THSD4: variants seen among roughly 807,000 people sequenced by gnomAD.
The protein encoded by THSD4 is thrombospondin type-1 domain-containing protein 4.
THSD4 carries 69 observed loss-of-function variants against 119.0 expected under a neutral mutation model. The observed-to-expected ratio is 0.58, with a 90% CI of 0.48 to 0.71. The LOEUF is 0.71. Ranked by LOEUF, THSD4 falls within the 30% of genes least tolerant of loss-of-function variation. The pLI, the probability that THSD4 is intolerant of heterozygous loss-of-function variation, is 0.00. For missense variants in THSD4, 1,393 were observed against 1,391.1 expected, an observed-to-expected ratio of 1.00 and a Z score of -0.02; for synonymous variants, 524 against 540.4, an observed-to-expected ratio of 0.97 and a Z score of 0.42.
chr15:71,530,283 G>A (rs1175695215), intron 7 of THSD4, among the ~76,000 whole-genome samples: 2 of 152,138 alleles, frequency 1.3e-5, no homozygotes, highest in Non-Finnish European at 1.5e-5. Flanking sequence ...ATTGGGGCTG[G>A]TTCCAGCAAG....
intron 7 of THSD4, among the ~76,000 whole-genome samples, chr15:71,544,515 G>A (rs1369567722): frequency 6.6e-6 from 1 of 152,146 alleles, no homozygotes; most frequent in Non-Finnish European, 1.5e-5. Context: ...AATAAGTGTT[G>A]TCAAGGAGGT....
intron 7 of THSD4, among the ~76,000 whole-genome samples, chr15:71,652,671 A>T (rs17735225): frequency 6.6e-6 from 1 of 151,922 alleles, no homozygotes; most frequent in Non-Finnish European, 1.5e-5. Context: ...GCTGCAGTTG[A>T]TTCTTACCCA....
intron 6 of THSD4, among the ~76,000 whole-genome samples, chr15:71,299,293 C>T (rs1245923662): frequency 2.6e-5 from 4 of 152,140 alleles, no homozygotes; most frequent in Non-Finnish European, 4.4e-5. Context: ...AGAGAAGAAG[C>T]TGTGCTAGGA....
chr15:71,584,037 A>T (rs1230235299), intron 7 of THSD4, among the ~76,000 whole-genome samples: 1 of 151,900 alleles, frequency 6.6e-6, no homozygotes, highest in Non-Finnish European at 1.5e-5. Flanking sequence ...AATGCTGTCT[A>T]TTTTTACCTT....
intron 7 of THSD4, among the ~76,000 whole-genome samples, chr15:71,544,640 T>A (rs2048809763): frequency 6.6e-6 from 1 of 152,222 alleles, no homozygotes; most frequent in Non-Finnish European, 1.5e-5. Flanking sequence ...TATGATTCAG[T>A]GATTCTACTC....
At chr15:71,773,086 G>A (rs747455706) in intron 17 of THSD4, among the ~76,000 whole-genome samples, 8 of 151,272 alleles carry the variant, frequency 5.3e-5, no homozygotes, top group African/African-American at 9.7e-5. Flanking sequence ...CCATGGTCCC[G>A]GCTAATTAGG....
At chr15:71,749,800 G>A (rs1595916303) in intron 14 of THSD4, among the ~76,000 whole-genome samples, 1 of 149,530 alleles carries the variant, frequency 6.7e-6, no homozygotes, top group Admixed American at 6.7e-5. Flanking sequence ...GCTCACTGCA[G>A]CCTCGACCTG....
rs953062528 is a variant in THSD4 at position 71,215,011 on chromosome 15, C to T, written c.100-24C>T. On this transcript the variant is annotated intron_variant, in intron 3 of 17. Coordinates refer to ENST00000261862, the MANE Select transcript of THSD4 (RefSeq NM_024817.3). ...GAAGAGAGGAGCGGTGTTCTGGTCC[C>T]CTAACCTGCCTCTGTCTCCGCAGGT... is the stretch of plus-strand genomic sequence containing the variant. 54 of 1,247,176 alleles carry T rather than the reference C, an allele frequency of 4.3e-5. No homozygotes were observed. In the African/African-American group the frequency reaches 8.4e-4, roughly 20 times the overall value. The allele number at this position is 1,247,176 out of a possible 1,614,324, so 77.3% of individuals were successfully genotyped here.
chr15:71,199,528 GTGTGT>G (rs2043753851), intron 3 of THSD4, among the ~76,000 whole-genome samples: 1 of 143,362 alleles, frequency 7.0e-6, no homozygotes, highest in African/African-American at 2.7e-5. Flanking sequence ...TGTGTGTGGG[GTGTGT>G]GGTGTGTGTA....
intron 6 of THSD4, 35 bp downstream of exon 6, chr15:71,256,750 C>T: frequency 1.3e-6 from 2 of 1,581,758 alleles, no homozygotes; most frequent in Middle Eastern, 1.7e-4. Flanking sequence ...ATAGAAGTTA[C>T]TTTAGTCTGT....
intron 7 of THSD4, among the ~76,000 whole-genome samples, chr15:71,497,461 C>T (rs2048038099): frequency 6.6e-6 from 1 of 151,284 alleles, no homozygotes; most frequent in Non-Finnish European, 1.5e-5. Flanking sequence ...TGCAGTGAGC[C>T]AACGTCGCAC....
intron 17 of THSD4, among the ~76,000 whole-genome samples, chr15:71,776,370 G>T (rs1211802786): frequency 6.6e-6 from 1 of 152,158 alleles, no homozygotes; most frequent in Non-Finnish European, 1.5e-5. Flanking sequence ...GAATTTTCGT[G>T]AATCATTTTT....
At chr15:71,633,721 A>G (rs1567073394) in intron 7 of THSD4, among the ~76,000 whole-genome samples, 1 of 152,140 alleles carries the variant, frequency 6.6e-6, no homozygotes, top group Non-Finnish European at 1.5e-5. Flanking sequence ...AAACTTGTCT[A>G]TTTCCCTCTG....
intron 4 of THSD4, among the ~76,000 whole-genome samples, chr15:71,239,646 T>A (rs1436221113): frequency 6.6e-6 from 1 of 152,218 alleles, no homozygotes; most frequent in Admixed American, 6.5e-5. Flanking sequence ...CTGGGGAGAC[T>A]AAGCCGAACT....
chr15:71,566,911 T>C (rs35809498), intron 7 of THSD4, among the ~76,000 whole-genome samples: 51,912 of 151,796 alleles, frequency 0.34, 8,887 homozygotes, highest in Middle Eastern at 0.4. Flanking sequence ...ATTTTTTTTT[T>C]TCCCTAAACA....
intron 6 of THSD4, among the ~76,000 whole-genome samples, chr15:71,351,178 A>T (rs1222949279): frequency 6.6e-6 from 1 of 152,162 alleles, no homozygotes; most frequent in Non-Finnish European, 1.5e-5. Context: ...TGAACGTTGC[A>T]TGGTAAATCA....
At chr15:71,571,203 G>T (rs2049348124) in intron 7 of THSD4, among the ~76,000 whole-genome samples, 1 of 148,254 alleles carries the variant, frequency 6.7e-6, no homozygotes, top group African/African-American at 2.5e-5. Flanking sequence ...ACCTGCTGAA[G>T]AACTCACTTT....
intron 11 of THSD4, among the ~76,000 whole-genome samples, chr15:71,741,601 AT>A (rs77363114): frequency 0.072 from 10,972 of 152,240 alleles, 770 homozygotes; most frequent in East Asian, 0.39. Flanking sequence ...ACACACAGAA[AT>A]TCACAAGAGT....
At chr15:71,438,423 C>T (rs2047045099) in intron 7 of THSD4, among the ~76,000 whole-genome samples, 3 of 152,062 alleles carry the variant, frequency 2.0e-5, no homozygotes, top group Admixed American at 2.0e-4. Context: ...CATAGAAAGA[C>T]CTACAGTTTG....
Sources: allele counts gnomAD v4.1 joint callset (sites outside exome capture counted in the v4.1 genomes callset), GRCh38; gene constraint gnomAD v4.1.1; transcripts MANE v1.5; gene names NCBI Gene and HGNC (gene_info 2026-07-23, HGNC 2026-07-21).